CNTNAP1: variants seen among roughly 807,000 people sequenced by gnomAD.
CNTNAP1 encodes the protein contactin-associated protein 1.
In CNTNAP1, 80 loss-of-function variants were observed where a neutral mutation model predicts 161.5. The ratio of observed to expected loss-of-function variants is 0.50; its 90% CI spans 0.41 to 0.60. The LOEUF (loss-of-function observed/expected upper bound fraction) is 0.60, where lower values mean the gene tolerates loss of function less well. Ranked by LOEUF, CNTNAP1 falls within the 20% of genes least tolerant of loss-of-function variation. The pLI, the probability that CNTNAP1 is intolerant of heterozygous loss-of-function variation, is 0.00. For missense variants in CNTNAP1, 1,464 were observed against 1,854.8 expected, an observed-to-expected ratio of 0.79 and a Z score of 3.87; for synonymous variants, 695 against 733.1, an observed-to-expected ratio of 0.95 and a Z score of 0.84.
intron 16 of CNTNAP1, 74 bp from the exon 17 acceptor site, chr17:42,692,425 T>C: frequency 1.6e-6 from 2 of 1,259,414 alleles, no homozygotes; most frequent in South Asian, 1.3e-5. Context: ...AAAGAGGTTA[T>C]ATTGGGCAAG....
Position 42,686,062 on chromosome 17 carries a change from A to T in CNTNAP1, c.821A>T (p.Asp274Val). 1 of 1,614,152 alleles carries T rather than the reference A, an allele frequency of 6.2e-7. No individual in the cohort carries two copies. Among genetic ancestry groups the T allele is most frequent in the Non-Finnish European group, 8.5e-7 (1 of 1,180,038 alleles). ...GTGCGGGTGGACCGATTTGGCCGCG[A>T]TGTAAATTTCACCCTGGACGGCTAT... Reference protein sequence around the residue: ...HYVRVDRFGRDVNFTLDGYVQ... With the variant: ...HYVRVDRFGRVVNFTLDGYVQ... Residue 274 changes from aspartate to valine, a missense_variant, in exon 6 of 24, where the codon GAT (aspartate) becomes GTT (valine). Asp to Val is a radical substitution (Grantham distance 152). This residue lies in a region of CNTNAP1 where 1,383 missense variants were observed against 1,765.0 expected (regional missense o/e 0.78). Coordinates refer to ENST00000264638, the MANE Select transcript of CNTNAP1 (RefSeq NM_003632.3).
Position 42,695,616 on chromosome 17 carries a change from C to T in CNTNAP1, c.3088C>T (p.Arg1030Trp), listed in dbSNP as rs532151522. Residue 1030 changes from arginine (R) to tryptophan (W), a missense_variant, in exon 19 of 24, where the codon CGG (arginine) becomes TGG (tryptophan). Physicochemically the swap from Arg to Trp is moderately radical, Grantham distance 101 (BLOSUM62 -3). Around this residue, in one of 3 missense-constraint regions of CNTNAP1, gnomAD observed 1,383 missense variants for 1,765.0 expected, o/e 0.78. Transcript: ENST00000264638. ...CAGGGAGTTCTCCCACATGCTGAGC[C>T]GGCCAGTGCCAGGCTATGAGCCTGG... Reference protein sequence around the residue: ...AAREFSHMLSRPVPGYEPGYI... With the variant: ...AAREFSHMLSWPVPGYEPGYI... 13 of 1,614,162 alleles carry T rather than the reference C, an allele frequency of 8.1e-6. No individual in the cohort carries two copies. Among genetic ancestry groups the T allele is most frequent in the African/African-American group, 6.7e-5 (5 of 75,032 alleles).
chr17:42,682,955 C>T lies in CNTNAP1; in HGVS notation c.67+59C>T. ...GCCCAGGAGTCCAGAGCCTGCAGGGCGGCCCCGAACCGCATTGCGGCTGGG... is the reference window on the plus strand; with the variant it reads ...GCCCAGGAGTCCAGAGCCTGCAGGGTGGCCCCGAACCGCATTGCGGCTGGG... On this transcript the variant is annotated intron_variant, in intron 1 of 23. Transcript: ENST00000264638. 2.7e-6 allele frequency: 4 copies of T among 1,473,684 alleles called. No individual in the cohort carries two copies. In the Admixed American group the frequency reaches 8.8e-5, roughly 32 times the overall value. 91.3% of individuals were successfully genotyped at this position (1,473,684 alleles called of 1,614,324 possible).
rs969580866 is a variant in CNTNAP1, at chr17:42,687,457, T to G, written c.1045-263T>G. 11 of 559,688 alleles carry G rather than the reference T, an allele frequency of 2.0e-5. No individual in the cohort carries two copies. The African/African-American group carries it at 2.1e-4, about 11-fold the overall frequency. The allele number at this position is 559,688 out of a possible 1,614,324, so 34.7% of individuals were successfully genotyped here. On this transcript the variant is annotated intron_variant, in intron 7 of 23. Coordinates refer to ENST00000264638, the MANE Select transcript of CNTNAP1 (RefSeq NM_003632.3). This position sits in a 1 kb window ranked among gnomAD's most constrained non-coding sequence, Gnocchi z 4.7. ...GTGGTCCAAAATTGCCTCTCGATAC[T>G]GGAAGGAGAGAAGCGGTCGAATCGC...
At chr17:42,686,240 G>A in intron 6 of CNTNAP1, 99 bp downstream of exon 6, 1 of 1,247,496 alleles carries the variant, frequency 8.0e-7, no homozygotes, top group Non-Finnish European at 1.1e-6. Context: ...TCTCTCAGAG[G>A]AAAGACCTGG....
chr17:42,684,155 G>C lies in CNTNAP1; in HGVS notation c.289G>C (p.Val97Leu), dbSNP rs775520960. 2 of 1,614,194 alleles carry C rather than the reference G, an allele frequency of 1.2e-6. No individual in the cohort carries two copies. Among genetic ancestry groups the C allele is most frequent in the Non-Finnish European group, 1.7e-6 (2 of 1,180,042 alleles). Residue 97 changes from valine (V) to leucine (L), a missense_variant, in exon 3 of 24, where the codon GTC (valine) becomes CTC (leucine). By Grantham distance (32) the Val-to-Leu change is conservative. Around this residue, in one of 3 missense-constraint regions of CNTNAP1, gnomAD observed 1,383 missense variants for 1,765.0 expected, o/e 0.78. Coordinates refer to ENST00000264638, the MANE Select transcript of CNTNAP1 (RefSeq NM_003632.3). The part of the protein sequence containing the change: ...TQGSFNSWDW[V>L]TRYMLLYGDR... ...GGGCTCCTTTAATTCTTGGGACTGG[G>C]TCACACGTTACATGCTACTCTACGG... is the stretch of plus-strand genomic sequence containing the variant.
intron 17 of CNTNAP1, 61 bp downstream of exon 17, chr17:42,692,781 C>G: frequency 6.8e-7 from 1 of 1,465,646 alleles, no homozygotes; most frequent in Non-Finnish European, 9.2e-7. Flanking sequence ...TCCAAGGCCA[C>G]TCGCCTTGTT....
chr17:42,687,520 C>T lies in CNTNAP1; in HGVS notation c.1045-200C>T. 1.6e-6 allele frequency: 1 copy of T among 639,408 alleles called. No individual in the cohort carries two copies. Among genetic ancestry groups the T allele is most frequent in the Non-Finnish European group, 2.7e-6 (1 of 369,584 alleles). 39.6% of individuals were successfully genotyped at this position (639,408 alleles called of 1,614,324 possible). ...TCAGCGAGAGCAAGCGAGCAGAGTTCCGAGGGCCGACTGGGTTGGGGCCCC... is the reference window on the plus strand; with the variant it reads ...TCAGCGAGAGCAAGCGAGCAGAGTTTCGAGGGCCGACTGGGTTGGGGCCCC... On this transcript the variant is annotated intron_variant, in intron 7 of 23. Transcript: ENST00000264638. This position sits in a 1 kb window ranked among gnomAD's most constrained non-coding sequence, Gnocchi z 4.7.
chr17:42,684,328 A>G (rs1339401532), intron 3 of CNTNAP1, 99 bp downstream of exon 3: 10 of 1,195,012 alleles, frequency 8.4e-6, no homozygotes, highest in Non-Finnish European at 9.5e-6. Context: ...GGTGGTGGTG[A>G]GGGCTCGGAC....
At chr17:42,698,265 C>G (rs980568776) in intron 23 of CNTNAP1, among the ~76,000 whole-genome samples, 3 of 152,070 alleles carry the variant, frequency 2.0e-5, no homozygotes, top group Admixed American at 2.0e-4. Flanking sequence ...AATGGGGATA[C>G]AGTAACACCT....
Position 42,691,896 on chromosome 17 carries a change from A to C in CNTNAP1, c.2435A>C (p.Tyr812Ser). The change falls in exon 16 of 24, where the codon TAC (tyrosine) becomes TCC (serine). Residue 812 changes from tyrosine to serine, a missense_variant. Physicochemically the swap from Tyr to Ser is moderately radical, Grantham distance 144. Around this residue, in one of 3 missense-constraint regions of CNTNAP1, gnomAD observed 1,383 missense variants for 1,765.0 expected, o/e 0.78. Transcript: ENST00000264638. This position sits in a 1 kb window ranked among gnomAD's most constrained non-coding sequence, Gnocchi z 4.3. ...RANHSLDVSF[Y>S]FRTSAPSGVF... is the part of the protein sequence containing the mutation. ...AACCACAGCCTGGATGTCTCCTTCTACTTCAGGACCTCTGCTCCCTCGGGG... is the reference window on the plus strand; with the variant it reads ...AACCACAGCCTGGATGTCTCCTTCTCCTTCAGGACCTCTGCTCCCTCGGGG... 1.9e-6 allele frequency: 3 copies of C among 1,613,880 alleles called. No homozygotes were observed. Among genetic ancestry groups the C allele is most frequent in the Non-Finnish European group, 2.5e-6 (3 of 1,179,966 alleles).
rs547038534 is a variant in CNTNAP1, at chr17:42,685,390, G to C, written c.685G>C (p.Gly229Arg). Residue 229 changes from glycine to arginine, a missense_variant, in exon 5 of 24, where the codon GGG (glycine) becomes CGG (arginine). Gly to Arg is a moderately radical substitution (Grantham distance 125, BLOSUM62 -2). Transcript: ENST00000264638. This position sits in a 1 kb window ranked among gnomAD's most constrained non-coding sequence, Gnocchi z 5.0. Reference sequence around the variant, plus strand: ...CGACTACGTGACGCTCGAGCTGGAGGGGGCACACCTGCTGCTGCACATGAG... The same window carrying C: ...CGACTACGTGACGCTCGAGCTGGAGCGGGCACACCTGCTGCTGCACATGAG... ...QGDYVTLELE[G>R]AHLLLHMSLG... 2.3e-5 allele frequency: 37 copies of C among 1,604,670 alleles called. No homozygotes were observed. In the South Asian group the frequency reaches 3.8e-4, roughly 17 times the overall value.
chr17:42,691,020 A>G lies in CNTNAP1; in HGVS notation c.2059+78A>G, dbSNP rs2053079569. On this transcript the variant is annotated intron_variant, in intron 13 of 23. Transcript: ENST00000264638. This position sits in a 1 kb window ranked among gnomAD's most constrained non-coding sequence, Gnocchi z 4.3. ...CCTGGGAGAAGGAAGCCAGAGAGCC[A>G]GCTGGGGCCTTGGGTTGGAAGATTC... 1.9e-6 allele frequency: 3 copies of G among 1,601,830 alleles called. No individual in the cohort carries two copies. Among genetic ancestry groups the G allele is most frequent in the Non-Finnish European group, 8.5e-7 (1 of 1,172,022 alleles).
rs1239557572 is a variant in CNTNAP1 at position 42,698,679 on chromosome 17, T to C, written c.3924T>C (p.Asn1308=). Reference sequence around the variant, plus strand: ...TGTTGGTGCTCTTCTATCTGCAAAATCATCGCTATAAGGGCTCCTACCATA... The same window carrying C: ...TGTTGGTGCTCTTCTATCTGCAAAACCATCGCTATAAGGGCTCCTACCATA... ...VGMLVLFYLQ[N]HRYKGSYHTN... Residue 1308 remains asparagine (N), a synonymous_variant, in exon 24 of 24, where the codon AAT becomes AAC. Coordinates refer to ENST00000264638, the MANE Select transcript of CNTNAP1 (RefSeq NM_003632.3). 2 of 1,611,372 alleles carry C rather than the reference T, an allele frequency of 1.2e-6. No individual in the cohort carries two copies. Among genetic ancestry groups the C allele is most frequent in the Admixed American group, 3.3e-5 (2 of 59,802 alleles).
At chr17:42,696,200 T>C (rs2053150533) in intron 20 of CNTNAP1, 48 bp downstream of exon 20, 1 of 1,603,302 alleles carries the variant, frequency 6.2e-7, no homozygotes, top group Admixed American at 1.7e-5. Context: ...CCTCATGGTC[T>C]CCGTTGTGGC....
chr17:42,687,713 C>T lies in CNTNAP1; in HGVS notation c.1045-7C>T. On this transcript the variant is annotated splice_region_variant and splice_polypyrimidine_tract_variant and intron_variant, in intron 7 of 23. Coordinates refer to ENST00000264638, the MANE Select transcript of CNTNAP1 (RefSeq NM_003632.3). This position sits in a 1 kb window ranked among gnomAD's most constrained non-coding sequence, Gnocchi z 4.7. ...GGGTGTTGATGCGTCTTCACTTTTGCCCCTAGGGTAAGGTGGCTTTTCGTT... is the reference window on the plus strand; with the variant it reads ...GGGTGTTGATGCGTCTTCACTTTTGTCCCTAGGGTAAGGTGGCTTTTCGTT... The T allele has an allele frequency of 6.2e-7, 1 of 1,613,424 alleles. No individual in the cohort carries two copies. Among genetic ancestry groups the T allele is most frequent in the Non-Finnish European group, 8.5e-7 (1 of 1,179,524 alleles).
In CNTNAP1 at chr17:42,685,860, C is replaced by A; in HGVS notation, c.716-97C>A. 7.6e-7 allele frequency: 1 copy of A among 1,314,188 alleles called. No homozygotes were observed. Among genetic ancestry groups the A allele is most frequent in the Non-Finnish European group, 1.1e-6 (1 of 942,104 alleles). The allele number at this position is 1,314,188 out of a possible 1,614,324, so 81.4% of individuals were successfully genotyped here. On this transcript the variant is annotated intron_variant, in intron 5 of 23. Transcript: ENST00000264638. This position sits in a 1 kb window ranked among gnomAD's most constrained non-coding sequence, Gnocchi z 5.0. ...TCTATTCGCCCACTCTCCCTGATTG[C>A]CCTGGGCTTTGTTACACGCTGCTGC...
intron 23 of CNTNAP1, among the ~76,000 whole-genome samples, chr17:42,698,189 A>G (rs1216467217): frequency 6.6e-6 from 1 of 152,152 alleles, no homozygotes; most frequent in East Asian, 1.9e-4. Flanking sequence ...AGATTTTTAG[A>G]TGTTTGAGGA....
Position 42,683,818 on chromosome 17 carries a change from T to C in CNTNAP1, c.68-3T>C. On this transcript the variant is annotated splice_polypyrimidine_tract_variant and splice_region_variant and intron_variant, in intron 1 of 23. Coordinates refer to ENST00000264638, the MANE Select transcript of CNTNAP1 (RefSeq NM_003632.3). ...TGACTAACAGTCGGTTTCCCTACCCTAGACGGCTGCGACGAGGAGCTGGTG... is the reference window on the plus strand; with the variant it reads ...TGACTAACAGTCGGTTTCCCTACCCCAGACGGCTGCGACGAGGAGCTGGTG... The C allele has an allele frequency of 1.9e-6, 3 of 1,610,724 alleles. No homozygotes were observed. The highest frequency in any genetic ancestry group is 1.1e-5 in the South Asian group (1 of 91,072).
Sources: allele counts gnomAD v4.1 joint callset (sites outside exome capture counted in the v4.1 genomes callset), GRCh38; gene constraint gnomAD v4.1.1; regional missense constraint gnomAD v4.1.1; non-coding constraint Gnocchi (gnomAD v3.1); transcripts MANE v1.5; gene names NCBI Gene and HGNC (gene_info 2026-07-23, HGNC 2026-07-21).